Variants in SYNE1 observed in about 807,000 individuals in gnomAD.
The protein encoded by SYNE1 is spectrin repeat containing nuclear envelope protein 1, also known as nesprin-1.
A neutral mutation model predicts 1,111.0 loss-of-function variants in SYNE1; 616 were observed. The ratio of observed to expected loss-of-function variants is 0.55; its 90% CI spans 0.52 to 0.59. The LOEUF (loss-of-function observed/expected upper bound fraction) is 0.59. Among genes scored for constraint, SYNE1 ranks in the 20% least tolerant of loss-of-function variants. SYNE1 has a pLI of 0.00. For missense variants in SYNE1, 10,006 were observed against 10,417.0 expected, an observed-to-expected ratio of 0.96 and a Z score of 1.72; for synonymous variants, 3,855 against 3,825.8, an observed-to-expected ratio of 1.01 and a Z score of -0.28.
chr6:152,265,388 C>T (rs185284788), intron 100 of SYNE1, among the ~76,000 whole-genome samples: 205 of 151,692 alleles, frequency 1.4e-3, no homozygotes, highest in African/African-American at 4.9e-3. Context: ...AAAATAATGG[C>T]GAGTGAAAAA....
At chr6:152,344,555 G>A (rs1287789390) in intron 73 of SYNE1, among the ~76,000 whole-genome samples, 1 of 152,126 alleles carries the variant, frequency 6.6e-6, no homozygotes, top group Non-Finnish European at 1.5e-5. Context: ...TAAGTCAGAG[G>A]TTTTTGCAGC....
Position 152,376,465 on chromosome 6 carries a change from C to A in SYNE1, c.9240G>T (p.Leu3080Phe). 1 of 1,614,126 alleles carries A rather than the reference C, an allele frequency of 6.2e-7. No individual in the cohort carries two copies. The stretch of plus-strand genomic sequence containing the variant: ...TGGCGGTAGTGATTTTTGCATTAAC[C>A]AACCACTGCTGGAAATCCCTGAAGG... The part of the protein sequence containing the change: ...RKAFRDFQQW[L>F]VNAKITTAKC... The change falls in exon 58 of 146, where the codon TTG (leucine) becomes TTT (phenylalanine). Residue 3080 changes from leucine to phenylalanine, a missense_variant. Transcript: ENST00000367255.
chr6:152,281,432 G>GT (rs2094023078), intron 97 of SYNE1, among the ~76,000 whole-genome samples: 1 of 152,152 alleles, frequency 6.6e-6, no homozygotes, highest in Admixed American at 6.5e-5. Flanking sequence ...AACCAAAATT[G>GT]TAACAGAGCA....
intron 3 of SYNE1, among the ~76,000 whole-genome samples, chr6:152,578,951 C>T (rs2099510367): frequency 2.0e-5 from 3 of 152,058 alleles, no homozygotes; most frequent in African/African-American, 7.2e-5. Context: ...TAATTTATTT[C>T]AGAAGAGATT....
intron 11 of SYNE1, among the ~76,000 whole-genome samples, chr6:152,497,730 G>T (rs115621118): frequency 6.6e-6 from 1 of 152,142 alleles, no homozygotes; most frequent in Admixed American, 6.5e-5. Flanking sequence ...GAAGGATGTC[G>T]CTATTTATAT....
At chr6:152,323,319 T>C (rs1055646266) in intron 82 of SYNE1, among the ~76,000 whole-genome samples, 159 bp downstream of exon 82, 18 of 152,154 alleles carry the variant, frequency 1.2e-4, no homozygotes, top group Non-Finnish European at 2.5e-4. Context: ...GCGCCTGTAG[T>C]CCCAGCTACT....
chr6:152,343,838 G>A (rs1482392725), intron 74 of SYNE1, among the ~76,000 whole-genome samples: 1 of 152,130 alleles, frequency 6.6e-6, no homozygotes, highest in East Asian at 1.9e-4. Context: ...AAAGTGCTGG[G>A]ATTGCAGGCA....
chr6:152,281,293 A>G (rs535438655), intron 97 of SYNE1, among the ~76,000 whole-genome samples: 10 of 152,332 alleles, frequency 6.6e-5, no homozygotes, highest in Admixed American at 2.6e-4. Context: ...CCTCACAGTA[A>G]TTCCTAGAGC....
chr6:152,194,488 C>T lies in SYNE1; in HGVS notation c.23146-5081G>A, dbSNP rs149872326. On this transcript the variant is annotated intron_variant, in intron 127 of 145. Coordinates refer to ENST00000367255, the MANE Select transcript of SYNE1 (RefSeq NM_182961.4). Reference sequence around the variant, plus strand: ...TTATTAAATGCCTTGAGGTAATCTTCTTTGGGTTAAATCTACTTGGTGTTC... The same window carrying T: ...TTATTAAATGCCTTGAGGTAATCTTTTTTGGGTTAAATCTACTTGGTGTTC... 2.6e-3 allele frequency among the ~76,000 whole-genome samples: 397 copies of T among 152,244 alleles called. 1 individual carries two copies. The highest frequency in any genetic ancestry group is 4.6e-3 in the Admixed American group (71 of 15,294).
intron 3 of SYNE1, among the ~76,000 whole-genome samples, chr6:152,542,284 T>C (rs1458832780): frequency 6.6e-6 from 1 of 152,110 alleles, no homozygotes; most frequent in African/African-American, 2.4e-5. Context: ...AGAAAATAAA[T>C]ACAAAACCTT....
At chr6:152,218,941 G>A (rs2153456352) in intron 120 of SYNE1, 62 bp downstream of exon 120, 3 of 1,527,664 alleles carry the variant, frequency 2.0e-6, no homozygotes, top group South Asian at 2.2e-5. Context: ...CTTTTTCTGT[G>A]TTTGTGCCCA....
intron 129 of SYNE1, among the ~76,000 whole-genome samples, chr6:152,178,719 T>C (rs1264901982): frequency 2.6e-5 from 4 of 152,122 alleles, no homozygotes; most frequent in African/African-American, 9.7e-5. Flanking sequence ...TAAACAAAAT[T>C]AGACAAAGCC....
intron 100 of SYNE1, among the ~76,000 whole-genome samples, chr6:152,263,095 G>A (rs544889554): frequency 3.3e-5 from 5 of 151,768 alleles, no homozygotes; most frequent in South Asian, 4.2e-4. Context: ...TATAGGACAC[G>A]GAAAGATAGT....
At chr6:152,350,051 A>G in intron 72 of SYNE1, 117 bp downstream of exon 72, 1 of 1,324,542 alleles carries the variant, frequency 7.5e-7, no homozygotes, top group South Asian at 1.2e-5. Context: ...TACAATCATT[A>G]TAAACCAGAG....
chr6:152,244,226 TA>T (rs2086522940), intron 106 of SYNE1, among the ~76,000 whole-genome samples: 1 of 152,132 alleles, frequency 6.6e-6, no homozygotes, highest in Admixed American at 6.6e-5. Flanking sequence ...TAGGTAGGAT[TA>T]AAAGTTATTC....
chr6:152,131,987 G>A, intron 144 of SYNE1, 135 bp downstream of exon 144: 1 of 711,582 alleles, frequency 1.4e-6, no homozygotes, highest in Non-Finnish European at 2.5e-6. Flanking sequence ...GCAGGGCTGA[G>A]GAAGCGCGCT....
chr6:152,186,732 C>A (rs902184624), intron 128 of SYNE1, among the ~76,000 whole-genome samples: 5 of 152,000 alleles, frequency 3.3e-5, no homozygotes, highest in African/African-American at 9.7e-5. Context: ...TCTCTGAAGG[C>A]TTCACAGGCA....
chr6:152,160,408 G>A (rs1362434662), intron 131 of SYNE1, among the ~76,000 whole-genome samples: 2 of 152,174 alleles, frequency 1.3e-5, no homozygotes, highest in Non-Finnish European at 2.9e-5. Context: ...AGCACCCAGA[G>A]CCCCTGCTCC....
At chr6:152,133,844 A>G (rs2056426540) in intron 142 of SYNE1, 1 of 247,782 alleles carries the variant, frequency 4.0e-6, no homozygotes, top group South Asian at 5.6e-5. Context: ...AACATTAAAT[A>G]TAGCGAAGCA....
Sources: allele counts gnomAD v4.1 joint callset (sites outside exome capture counted in the v4.1 genomes callset), GRCh38; gene constraint gnomAD v4.1.1; transcripts MANE v1.5; gene names NCBI Gene and HGNC (gene_info 2026-07-23, HGNC 2026-07-21).